IMMP2L: variants seen among roughly 807,000 people sequenced by gnomAD.
The protein encoded by IMMP2L is inner mitochondrial membrane peptidase subunit 2.
IMMP2L carries 18 observed loss-of-function variants against 19.3 expected under a neutral mutation model. The ratio of observed to expected loss-of-function variants is 0.93; its 90% CI spans 0.64 to 1.38. The LOEUF is 1.38. IMMP2L is among the 40% of genes most tolerant of loss of function. The pLI, the probability that IMMP2L is intolerant of heterozygous loss-of-function variation, is 0.00. For missense variants in IMMP2L, 233 were observed against 218.2 expected (o/e 1.07, Z -0.43); for synonymous variants, 76 against 73.0 (o/e 1.04, Z -0.21).
intron 3 of IMMP2L, among the ~76,000 whole-genome samples, chr7:111,372,393 C>T (rs935160864): frequency 6.6e-6 from 1 of 151,950 alleles, no homozygotes; most frequent in South Asian, 2.1e-4. Context: ...GAAAAGAATA[C>T]GTATCTCTTG....
intron 3 of IMMP2L, among the ~76,000 whole-genome samples, chr7:111,260,160 C>A (rs1562977785): frequency 6.6e-6 from 1 of 152,106 alleles, no homozygotes; most frequent in Non-Finnish European, 1.5e-5. Flanking sequence ...TATTTGTTAT[C>A]ATGATCAAGG....
chr7:111,112,450 C>T (rs1799349533), intron 3 of IMMP2L, among the ~76,000 whole-genome samples: 1 of 151,628 alleles, frequency 6.6e-6, no homozygotes, highest in African/African-American at 2.4e-5. Context: ...GAGCTCATGT[C>T]CTGTACAGTA....
intron 5 of IMMP2L, among the ~76,000 whole-genome samples, chr7:110,744,574 C>T (rs1388263211): frequency 6.6e-6 from 1 of 152,240 alleles, no homozygotes; most frequent in African/African-American, 2.4e-5. Flanking sequence ...CTTTGCTGCT[C>T]TGCAGCCTCC....
chr7:111,027,549 C>A (rs184494887), intron 3 of IMMP2L, among the ~76,000 whole-genome samples: 11 of 151,194 alleles, frequency 7.3e-5, no homozygotes, highest in Non-Finnish European at 1.3e-4. Flanking sequence ...GTCACTGGGA[C>A]GGCTAAAGTC....
At chr7:110,735,367 A>T (rs987220762) in intron 5 of IMMP2L, among the ~76,000 whole-genome samples, 2 of 151,966 alleles carry the variant, frequency 1.3e-5, no homozygotes, top group Non-Finnish European at 2.9e-5. Flanking sequence ...TTCTTTCACC[A>T]ATTAAACTTC....
chr7:110,977,526 C>T (rs1004150125), intron 3 of IMMP2L, among the ~76,000 whole-genome samples: 2 of 151,916 alleles, frequency 1.3e-5, no homozygotes, highest in Admixed American at 6.6e-5. Flanking sequence ...ACTAAAACCA[C>T]AAAATGAACT....
chr7:111,360,062 C>G (rs1829112882), intron 3 of IMMP2L, among the ~76,000 whole-genome samples: 1 of 152,036 alleles, frequency 6.6e-6, no homozygotes. Context: ...AATTTATACT[C>G]TAATCCACTC....
chr7:110,690,405 C>T (rs1793408458), intron 5 of IMMP2L, among the ~76,000 whole-genome samples: 1 of 152,070 alleles, frequency 6.6e-6, no homozygotes, highest in African/African-American at 2.4e-5. Flanking sequence ...TGTTATCTTG[C>T]TCTTGCAATT....
chr7:111,336,072 A>C (rs37640), intron 3 of IMMP2L, among the ~76,000 whole-genome samples: 151,481 of 152,184 alleles, frequency 1, 75,398 homozygotes, highest in Middle Eastern at 1. Flanking sequence ...TTGTTTGAGA[A>C]GGGATCTCAC....
At chr7:111,133,936 C>G (rs1276021608) in intron 3 of IMMP2L, among the ~76,000 whole-genome samples, 1 of 151,972 alleles carries the variant, frequency 6.6e-6, no homozygotes, top group Non-Finnish European at 1.5e-5. Context: ...AAAAATACAT[C>G]TCCTATGAAA....
chr7:111,120,557 T>A (rs762460439), intron 3 of IMMP2L, among the ~76,000 whole-genome samples: 1 of 152,016 alleles, frequency 6.6e-6, no homozygotes, highest in Non-Finnish European at 1.5e-5. Flanking sequence ...CCAAACCATA[T>A]CAGTGATGTA....
At chr7:110,879,534 C>A (rs949321521) in intron 5 of IMMP2L, among the ~76,000 whole-genome samples, 2 of 152,132 alleles carry the variant, frequency 1.3e-5, no homozygotes, top group Admixed American at 1.3e-4. Flanking sequence ...CAATAACATT[C>A]ATTCTCATCT....
At chr7:111,397,443 T>C (rs959065702) in intron 3 of IMMP2L, among the ~76,000 whole-genome samples, 4 of 152,114 alleles carry the variant, frequency 2.6e-5, no homozygotes, top group African/African-American at 9.6e-5. Context: ...TGGTCTCTGA[T>C]TTATGTCTTG....
intron 5 of IMMP2L, among the ~76,000 whole-genome samples, chr7:110,831,847 T>C (rs1187613671): frequency 2.0e-5 from 3 of 152,210 alleles, no homozygotes; most frequent in East Asian, 3.9e-4. Flanking sequence ...CTAAAGTGTT[T>C]AGTGCTTTAA....
intron 3 of IMMP2L, among the ~76,000 whole-genome samples, chr7:111,418,041 C>T (rs1299876852): frequency 2.0e-5 from 3 of 151,792 alleles, no homozygotes; most frequent in Non-Finnish European, 4.4e-5. Context: ...ATTATAAAGT[C>T]ATTGTCATCT....
At chr7:111,526,366 A>G (rs1192666353) in intron 1 of IMMP2L, among the ~76,000 whole-genome samples, 1 of 152,202 alleles carries the variant, frequency 6.6e-6, no homozygotes, top group Non-Finnish European at 1.5e-5. Flanking sequence ...TAATTATTAA[A>G]GTATACCAAA....
chr7:111,354,994 A>G (rs1382107926), intron 3 of IMMP2L, among the ~76,000 whole-genome samples: 1 of 151,926 alleles, frequency 6.6e-6, no homozygotes, highest in Non-Finnish European at 1.5e-5. Context: ...ATTAGAGAAT[A>G]AAGAGAAAGT....
At chr7:111,310,184 G>A (rs1054604128) in intron 3 of IMMP2L, among the ~76,000 whole-genome samples, 1 of 149,572 alleles carries the variant, frequency 6.7e-6, no homozygotes, top group African/African-American at 2.5e-5. Flanking sequence ...GCAGTGAGTC[G>A]AGATCACCAC....
intron 3 of IMMP2L, among the ~76,000 whole-genome samples, chr7:111,181,616 C>T (rs1807718002): frequency 6.6e-6 from 1 of 151,988 alleles, no homozygotes; most frequent in South Asian, 2.1e-4. Flanking sequence ...GGTTCTCTTG[C>T]CCTAAAATAC....
Sources: allele counts gnomAD v4.1 joint callset (sites outside exome capture counted in the v4.1 genomes callset), GRCh38; gene constraint gnomAD v4.1.1; transcripts MANE v1.5; gene names NCBI Gene and HGNC (gene_info 2026-07-23, HGNC 2026-07-21).